The following PTPRH variants were observed in gnomAD, a reference collection of about 807,000 sequenced individuals.
The protein encoded by PTPRH is receptor-type tyrosine-protein phosphatase H.
PTPRH carries 113 observed loss-of-function variants against 130.2 expected under a neutral mutation model. The ratio of observed to expected loss-of-function variants is 0.87; its 90% CI spans 0.75 to 1.01. The LOEUF is 1.01. Among genes scored for constraint, PTPRH ranks in the 50% least tolerant of loss-of-function variants. The pLI is 0.00. For synonymous variants in PTPRH, 556 were observed against 577.9 expected (o/e 0.96, Z 0.54); for missense variants, 1,430 against 1,425.0 (o/e 1.00, Z -0.06).
chr19:55,187,121 A>G (rs2365729), intron 14 of PTPRH, among the ~76,000 whole-genome samples: 15,209 of 151,076 alleles, frequency 0.1, 821 homozygotes, highest in Middle Eastern at 0.17. Context: ...CGAGGCGGGC[A>G]GATCACAAGG....
Position 55,207,163 on chromosome 19 carries a change from C to T in PTPRH, c.85+3G>A, listed in dbSNP as rs1379986866. The T allele has an allele frequency of 1.2e-6, 2 of 1,613,154 alleles. No homozygotes were observed. Among genetic ancestry groups the T allele is most frequent in the Admixed American group, 1.7e-5 (1 of 59,944 alleles). The stretch of plus-strand genomic sequence containing the variant: ...GCAGTGAGTTCAGGCAGGGGTCACT[C>T]ACCAGGCGCCCTGGCCCCTGTCCAG... On this transcript the variant is annotated splice_donor_region_variant and intron_variant, in intron 2 of 19. Transcript: ENST00000376350.
At chr19:55,201,472 G>A (rs928296312) in intron 6 of PTPRH, among the ~76,000 whole-genome samples, 2 of 152,248 alleles carry the variant, frequency 1.3e-5, no homozygotes, top group African/African-American at 2.4e-5. Context: ...TAGCACCGTG[G>A]AGGATGAAGG....
intron 10 of PTPRH, chr19:55,192,075 A>AT (rs532701579): frequency 1.4e-5 from 6 of 432,644 alleles, no homozygotes; most frequent in Admixed American, 1.1e-4. Context: ...TCTTAGTAAC[A>AT]TTTTTTTCTT....
At chr19:55,196,965 A>C in intron 9 of PTPRH, 152 bp downstream of exon 9, 1 of 1,172,316 alleles carries the variant, frequency 8.5e-7, no homozygotes, top group Non-Finnish European at 1.2e-6. Flanking sequence ...TTTAAACTAC[A>C]ACTCCCATGA....
In PTPRH at chr19:55,188,181, G is replaced by A; in HGVS notation, c.2385-13C>T. The A allele has an allele frequency of 1.9e-6, 3 of 1,606,486 alleles. No individual in the cohort carries two copies. Among genetic ancestry groups the A allele is most frequent in the South Asian group, 1.1e-5 (1 of 90,926 alleles). On this transcript the variant is annotated splice_polypyrimidine_tract_variant and intron_variant, in intron 12 of 19. Coordinates refer to ENST00000376350, the MANE Select transcript of PTPRH (RefSeq NM_002842.5). ...GTCCCCTGGGGAGCTACGGGTTTTGGGGGAGCAGGGAGAAAAGACCGTAAC... is the reference window on the plus strand; with the variant it reads ...GTCCCCTGGGGAGCTACGGGTTTTGAGGGAGCAGGGAGAAAAGACCGTAAC...
chr19:55,202,679 T>G (rs1196180690), intron 5 of PTPRH, among the ~76,000 whole-genome samples: 1 of 152,122 alleles, frequency 6.6e-6, no homozygotes, highest in East Asian at 1.9e-4. Context: ...ATATATTTTG[T>G]GGGTATATAC....
intron 12 of PTPRH, among the ~76,000 whole-genome samples, chr19:55,191,186 C>G (rs1015993196): frequency 6.6e-6 from 1 of 152,178 alleles, no homozygotes; most frequent in South Asian, 2.1e-4. Flanking sequence ...AAGCCCCTGG[C>G]GGGCAAGAAT....
At chr19:55,197,704 T>C (rs575172227) in intron 8 of PTPRH, among the ~76,000 whole-genome samples, 1 of 152,332 alleles carries the variant, frequency 6.6e-6, no homozygotes, top group East Asian at 1.9e-4. Flanking sequence ...CATGAGGCTA[T>C]GGATTCTCTG....
rs2086960833 is a variant in PTPRH, at chr19:55,203,986, A to G, written c.682T>C (p.Trp228Arg). ...GGGTCTGTGCCATCGGGGACCTCCC[A>G]GCTCAGGGAGATGGAGCTGGTGGTC... The part of the protein sequence containing the change: ...AQTTSSISLS[W>R]EVPDGTDPQN... Residue 228 changes from tryptophan to arginine, a missense_variant, in exon 5 of 20, where the codon TGG (tryptophan) becomes CGG (arginine). Coordinates refer to ENST00000376350, the MANE Select transcript of PTPRH (RefSeq NM_002842.5). 1 of 1,614,192 alleles carries G rather than the reference A, an allele frequency of 6.2e-7. No individual in the cohort carries two copies. The highest frequency in any genetic ancestry group is 1.1e-5 in the South Asian group (1 of 91,084).
At chr19:55,192,450 A>G (rs2086571507) in intron 10 of PTPRH, among the ~76,000 whole-genome samples, 1 of 152,128 alleles carries the variant, frequency 6.6e-6, no homozygotes, top group South Asian at 2.1e-4. Flanking sequence ...TACATATTAC[A>G]GATGAAATGT....
chr19:55,204,354 C>G (rs2086975091), intron 4 of PTPRH, among the ~76,000 whole-genome samples: 1 of 152,202 alleles, frequency 6.6e-6, no homozygotes, highest in South Asian at 2.1e-4. Context: ...ATCCTCCCAC[C>G]TCGGCCTCCC....
Position 55,203,396 on chromosome 19 carries a change from TTTCCTTCC to T in PTPRH, c.886+378_886+385del, listed in dbSNP as rs112722502. Among the ~76,000 whole-genome samples, 45 of 141,674 alleles carry T rather than the reference TTTCCTTCC, an allele frequency of 3.2e-4. No individual in the cohort carries two copies. In the East Asian group the frequency reaches 5.5e-3, roughly 17 times the overall value. 92.9% of individuals were successfully genotyped at this position (141,674 alleles called of 152,430 possible). A position where few individuals can be genotyped will look rare whatever the true frequency, so the allele number is the denominator to read the frequency against. On this transcript the variant is annotated intron_variant, in intron 5 of 19. Coordinates refer to ENST00000376350, the MANE Select transcript of PTPRH (RefSeq NM_002842.5). ...ATCTCATAGTAATTTAGTTTCTTTC[TTTCCTTCC>T]TTCCTTCCTTCCTTCCTTCTTTCTT...
chr19:55,189,597 T>C (rs2086464632), intron 12 of PTPRH: 2 of 437,342 alleles, frequency 4.6e-6, no homozygotes, highest in African/African-American at 2.0e-5. Flanking sequence ...CCCAGATGCA[T>C]GCTCGGCTCC....
chr19:55,207,294 A>T (rs1366471477), intron 1 of PTPRH, 95 bp from the exon 2 acceptor site: 2 of 1,366,514 alleles, frequency 1.5e-6, no homozygotes, highest in African/African-American at 1.4e-5. Flanking sequence ...TCCCCGCCCC[A>T]TGAGTCACCC....
At chr19:55,200,158 C>T (rs1360418490) in intron 7 of PTPRH, 78 bp downstream of exon 7, 1 of 1,517,018 alleles carries the variant, frequency 6.6e-7, no homozygotes, top group African/African-American at 1.4e-5. Flanking sequence ...AGAGCCAGAG[C>T]CCAGAAGAGG....
rs1273282498 is a variant in PTPRH, at chr19:55,191,489, CCTT to C, written c.2384+9_2384+11del. The C allele has an allele frequency of 4.3e-6, 7 of 1,613,870 alleles. No homozygotes were observed. Among genetic ancestry groups the C allele is most frequent in the Middle Eastern group, 3.3e-4 (2 of 6,026 alleles). ...GATTCTTTCCAATGCACCCCCCAGA[CCTT>C]CTGCTCACCTAAAGACCAGATCCCT... On this transcript the variant is annotated intron_variant, in intron 12 of 19. Coordinates refer to ENST00000376350, the MANE Select transcript of PTPRH (RefSeq NM_002842.5).
chr19:55,194,282 G>C (rs2086624857), intron 10 of PTPRH: 3 of 1,289,356 alleles, frequency 2.3e-6, no homozygotes, highest in African/African-American at 3.0e-5. Flanking sequence ...CCCCCAAGCT[G>C]CAGCTTCTCA....
Position 55,187,496 on chromosome 19 carries a change from A to C in PTPRH, c.2566+17T>G. 6.2e-7 allele frequency: 1 copy of C among 1,600,920 alleles called. No individual in the cohort carries two copies. The highest frequency in any genetic ancestry group is 2.2e-5 in the East Asian group (1 of 44,616). ...AGATCAGGGCTGGGACAAAAGCAGC[A>C]GGAACCCGAGACTCACAGGGCAGCA... On this transcript the variant is annotated intron_variant, in intron 14 of 19. Transcript: ENST00000376350.
chr19:55,199,382 G>A (rs1328484381), intron 7 of PTPRH, among the ~76,000 whole-genome samples: 1 of 152,178 alleles, frequency 6.6e-6, no homozygotes, highest in Non-Finnish European at 1.5e-5. Flanking sequence ...GCCAAGGTGG[G>A]TGACTTGAGG....
Sources: gnomAD v4.1 joint callset for allele counts (sites outside exome capture counted in the v4.1 genomes callset) on GRCh38, gnomAD v4.1.1 for gene constraint, MANE v1.5 for transcripts, NCBI Gene and HGNC (gene_info 2026-07-23, HGNC 2026-07-21) for gene names.